SEPTIN10: variants seen among roughly 807,000 people sequenced by gnomAD.
SEPTIN10 encodes septin 10, also known as septin-10.
SEPTIN10 carries 66 observed loss-of-function variants against 54.8 expected under a neutral mutation model. The observed-to-expected ratio is 1.21, with a 90% confidence interval of 0.99 to 1.48. The LOEUF (loss-of-function observed/expected upper bound fraction) is 1.48. Ranked by LOEUF, SEPTIN10 falls within the 40% of genes most tolerant of loss-of-function variation. The pLI, the probability that SEPTIN10 is intolerant of heterozygous loss-of-function variation, is 0.00. For synonymous variants in SEPTIN10, 161 were observed against 181.0 expected (o/e 0.89, Z 0.89); for missense variants, 620 against 545.6 (o/e 1.14, Z -1.36).
rs940622204 is a variant in SEPTIN10, at chr2:109,613,883, G to T, written c.-56C>A. 4 of 1,230,066 alleles carry T rather than the reference G, an allele frequency of 3.3e-6. No individual in the cohort carries two copies. Among genetic ancestry groups the T allele is most frequent in the Non-Finnish European group, 4.1e-6 (4 of 987,324 alleles). The allele number at this position is 1,230,066 out of a possible 1,614,324, so 76.2% of individuals were successfully genotyped here. On this transcript the variant is annotated 5_prime_UTR_variant, in exon 1 of 11. Transcript: ENST00000397712. ...GTATCAGCCCGGCCCCGAGCGGCTG[G>T]TCCCGGCGACGGCGGCGGGAAGGCC...
At chr2:109,546,753 T>C (rs1573356153) in intron 9 of SEPTIN10, among the ~76,000 whole-genome samples, 1 of 152,308 alleles carries the variant, frequency 6.6e-6, no homozygotes, top group East Asian at 1.9e-4. Context: ...TATTTTTCCA[T>C]AGTCTTTCAA....
At chr2:109,612,431 G>A (rs749415886) in intron 1 of SEPTIN10, among the ~76,000 whole-genome samples, 1 of 152,086 alleles carries the variant, frequency 6.6e-6, no homozygotes, top group Non-Finnish European at 1.5e-5. Flanking sequence ...TCGTACTATG[G>A]GTTTGCCAGA....
chr2:109,606,804 C>T (rs1182374722), intron 1 of SEPTIN10, among the ~76,000 whole-genome samples: 3 of 150,860 alleles, frequency 2.0e-5, no homozygotes, highest in Non-Finnish European at 2.9e-5. Context: ...CTTAGCCTCC[C>T]GAGTAGCTGG....
intron 4 of SEPTIN10, 72 bp from the exon 5 acceptor site, chr2:109,574,839 G>T: frequency 9.3e-7 from 1 of 1,077,816 alleles, no homozygotes. Context: ...ACTCTTAGAA[G>T]TTTGAGGTCT....
Position 109,553,070 on chromosome 2 carries a change from C to A in SEPTIN10, c.1161+17G>T. On this transcript the variant is annotated intron_variant, in intron 9 of 10. Coordinates refer to ENST00000397712, the MANE Select transcript of SEPTIN10 (RefSeq NM_144710.5). ...TCTAAAAAATAAATGCAAATCACAT[C>A]AAACCAGCATACTTGCCTCTCTCTC... 1 of 1,607,136 alleles carries A rather than the reference C, an allele frequency of 6.2e-7. No homozygotes were observed. Among genetic ancestry groups the A allele is most frequent in the East Asian group, 2.2e-5 (1 of 44,840 alleles).
Position 109,585,734 on chromosome 2 carries a change from A to T in SEPTIN10, c.204T>A (p.Asn68Lys), listed in dbSNP as rs1692355294. The T allele has an allele frequency of 1.2e-6, 2 of 1,612,344 alleles. No individual in the cohort carries two copies. The highest frequency in any genetic ancestry group is 2.7e-5 in the African/African-American group (2 of 74,872). Residue 68 changes from asparagine to lysine, a missense_variant, in exon 3 of 11, where the codon AAT (asparagine) becomes AAA (lysine). Physicochemically the swap from Asn to Lys is moderately conservative, Grantham distance 94. Coordinates refer to ENST00000397712, the MANE Select transcript of SEPTIN10 (RefSeq NM_144710.5). Reference protein sequence around the residue: ...NRSIQQGFCFNILCVGETGIG... With the variant: ...NRSIQQGFCFKILCVGETGIG... Reference sequence around the variant, plus strand: ...GGTGGCACGTACCCACACAGAGAATATTAAAGCAGAAACCTTGCTGAATGG... The same window carrying T: ...GGTGGCACGTACCCACACAGAGAATTTTAAAGCAGAAACCTTGCTGAATGG...
chr2:109,595,460 G>A (rs1695115759), intron 1 of SEPTIN10, among the ~76,000 whole-genome samples: 1 of 152,146 alleles, frequency 6.6e-6, no homozygotes, highest in Admixed American at 6.6e-5. Flanking sequence ...CAGTCATCAT[G>A]TGGTACCTAA....
In SEPTIN10 at chr2:109,577,574, A is replaced by G. The variant is rs542948415; in HGVS notation, c.414-2807T>C. Among the ~76,000 whole-genome samples the G allele has an allele frequency of 6.0e-5, 9 of 149,640 alleles. No homozygotes were observed. In the East Asian group the frequency reaches 1.6e-3, roughly 27 times the overall value. ...GCCATTGCATTCTAGCCTCAGTGACAGAGTGAGACTCCACCTCAAAATTTA... is the reference window on the plus strand; with the variant it reads ...GCCATTGCATTCTAGCCTCAGTGACGGAGTGAGACTCCACCTCAAAATTTA... On this transcript the variant is annotated intron_variant, in intron 4 of 10. Transcript: ENST00000397712.
intron 1 of SEPTIN10, among the ~76,000 whole-genome samples, chr2:109,598,359 C>T (rs980834211): frequency 4.6e-5 from 7 of 152,038 alleles, no homozygotes; most frequent in Admixed American, 1.3e-4. Context: ...TGAGCCACTG[C>T]GCCCGGCCCT....
At chr2:109,550,024 C>T (rs1019321453) in intron 9 of SEPTIN10, among the ~76,000 whole-genome samples, 1 of 152,026 alleles carries the variant, frequency 6.6e-6, no homozygotes, top group Non-Finnish European at 1.5e-5. Context: ...ACTCAAAGAT[C>T]CTTTTAAAAG....
At chr2:109,550,952 C>T (rs550108968) in intron 9 of SEPTIN10, among the ~76,000 whole-genome samples, 1 of 152,246 alleles carries the variant, frequency 6.6e-6, no homozygotes, top group African/African-American at 2.4e-5. Context: ...TATAGACAGA[C>T]ATATCAAATT....
chr2:109,589,080 C>T (rs1380751724), intron 2 of SEPTIN10, among the ~76,000 whole-genome samples: 1 of 152,128 alleles, frequency 6.6e-6, no homozygotes, highest in African/African-American at 2.4e-5. Context: ...ATAGGCGCCA[C>T]CACGCCTGGG....
intron 4 of SEPTIN10, among the ~76,000 whole-genome samples, chr2:109,580,314 T>C (rs1690800576): frequency 6.7e-6 from 1 of 148,192 alleles, no homozygotes; most frequent in African/African-American, 2.5e-5. Context: ...TTACTAAAGA[T>C]TAAATGAAAG....
At chr2:109,593,947 A>G (rs1285207577) in intron 1 of SEPTIN10, among the ~76,000 whole-genome samples, 3 of 152,196 alleles carry the variant, frequency 2.0e-5, no homozygotes, top group African/African-American at 7.2e-5. Flanking sequence ...AATCCTTACA[A>G]TACATCTGAG....
At chr2:109,567,266 A>G (rs1487690701) in intron 6 of SEPTIN10, among the ~76,000 whole-genome samples, 1 of 152,232 alleles carries the variant, frequency 6.6e-6, no homozygotes. Flanking sequence ...GTCAGATTTC[A>G]AAACCCATGA....
At chr2:109,562,752 G>C (rs1685996330) in intron 8 of SEPTIN10, among the ~76,000 whole-genome samples, 1 of 152,108 alleles carries the variant, frequency 6.6e-6, no homozygotes, top group Non-Finnish European at 1.5e-5. Flanking sequence ...AATGAGAAGT[G>C]AGTCTCCTCT....
chr2:109,594,906 G>A (rs1361024707), intron 1 of SEPTIN10: 1 of 136,964 alleles, frequency 7.3e-6, no homozygotes, highest in African/African-American at 2.7e-5. Flanking sequence ...TTTTTTTTTT[G>A]AGACAGAGTC....
intron 8 of SEPTIN10, among the ~76,000 whole-genome samples, chr2:109,559,083 A>G (rs1261747889): frequency 1.3e-5 from 2 of 152,038 alleles, no homozygotes; most frequent in African/African-American, 4.8e-5. Context: ...ACAGGGTTTC[A>G]CCATGTTGGC....
chr2:109,574,481 A>G (rs1013815351), intron 5 of SEPTIN10, 100 bp downstream of exon 5: 1 of 622,424 alleles, frequency 1.6e-6, no homozygotes. Flanking sequence ...AAAAAGATGC[A>G]CAGGATAAAA....
Sources: allele counts gnomAD v4.1 joint callset (sites outside exome capture counted in the v4.1 genomes callset), GRCh38; gene constraint gnomAD v4.1.1; transcripts MANE v1.5; gene names NCBI Gene and HGNC (gene_info 2026-07-23, HGNC 2026-07-21).